Variants in CAMSAP2 observed in about 807,000 individuals in gnomAD.
CAMSAP2 encodes calmodulin regulated spectrin associated protein family member 2.
In CAMSAP2, 26 loss-of-function variants were observed where a neutral mutation model predicts 146.1. The observed-to-expected ratio is 0.18, with a 90% CI of 0.13 to 0.25. CAMSAP2 has a LOEUF of 0.25. CAMSAP2 is among the 10% of genes least tolerant of loss of function. The probability of loss-of-function intolerance (pLI) is 1.00; values close to 1 mark genes in which losing one functional copy is unlikely to be tolerated. For synonymous variants in CAMSAP2, 499 were observed against 596.6 expected (o/e 0.84, Z 2.38); for missense variants, 1,381 against 1,759.3 (o/e 0.78, Z 3.85).
chr1:200,750,719 G>A (rs1480957628), intron 1 of CAMSAP2, among the ~76,000 whole-genome samples: 1 of 151,572 alleles, frequency 6.6e-6, no homozygotes, highest in African/African-American at 2.4e-5. Context: ...CTGCCTCCCG[G>A]GTTCAAGTGA....
rs75790171 is a variant in CAMSAP2 at position 200,780,080 on chromosome 1, T to C, written c.399+18982T>C. On this transcript the variant is annotated intron_variant, in intron 2 of 16. Transcript: ENST00000358823. ...CCTTGTCACTAAAAGAATATAAGAA[T>C]ATTATTCAAGAAAGCCTGAAAACGC... 6.6e-5 allele frequency among the ~76,000 whole-genome samples: 10 copies of C among 152,244 alleles called. No individual in the cohort carries two copies. In the East Asian group the frequency reaches 1.9e-3, roughly 29 times the overall value.
chr1:200,790,847 C>T (rs1338328750), intron 2 of CAMSAP2, among the ~76,000 whole-genome samples: 1 of 151,854 alleles, frequency 6.6e-6, no homozygotes, highest in Non-Finnish European at 1.5e-5. Flanking sequence ...CTTTATTTTA[C>T]CTCCTTTTTT....
Position 200,856,170 on chromosome 1 carries a change from C to G in CAMSAP2, c.4012+45C>G, listed in dbSNP as rs116047114. 2.0e-3 allele frequency: 2,805 copies of G among 1,391,940 alleles called. 6 individuals carry two copies. Among genetic ancestry groups the G allele is most frequent in the Non-Finnish European group, 2.6e-3 (2,556 of 987,714 alleles). The allele number at this position is 1,391,940 out of a possible 1,614,324, so 86.2% of individuals were successfully genotyped here. A position where few individuals can be genotyped will look rare whatever the true frequency, so the allele number is the denominator to read the frequency against. The stretch of plus-strand genomic sequence containing the variant: ...TAGAGAAACATTTGAATTTAACACA[C>G]TCATAAATGGAGGGTGTACTAAAGA... On this transcript the variant is annotated intron_variant, in intron 15 of 16. Transcript: ENST00000358823.
chr1:200,784,727 A>G (rs1271645318), intron 2 of CAMSAP2, among the ~76,000 whole-genome samples: 1 of 152,152 alleles, frequency 6.6e-6, no homozygotes, highest in Non-Finnish European at 1.5e-5. Context: ...TCCACTATGT[A>G]TGTGGTCTGC....
chr1:200,740,102 G>GA lies in CAMSAP2; in HGVS notation c.139+138dup, dbSNP rs553167813. 2.4e-5 allele frequency: 23 copies of GA among 945,892 alleles called. No homozygotes were observed. The East Asian group carries it at 5.9e-4, about 24-fold the overall frequency. 58.6% of individuals were successfully genotyped at this position (945,892 alleles called of 1,614,324 possible). A position where few individuals can be genotyped will look rare whatever the true frequency, so the allele number is the denominator to read the frequency against. ...GTTAAGGGAGATGATGGGAGGCTAGGAAGAGAAAGAAAGGAGAAATAAGGA... is the reference window on the plus strand; with the variant it reads ...GTTAAGGGAGATGATGGGAGGCTAGGAAAGAGAAAGAAAGGAGAAATAAGGA... On this transcript the variant is annotated intron_variant, in intron 1 of 16. Transcript: ENST00000358823.
intron 1 of CAMSAP2, among the ~76,000 whole-genome samples, chr1:200,751,256 AATATAT>A (rs941190365): frequency 6.6e-6 from 1 of 151,176 alleles, no homozygotes; most frequent in African/African-American, 2.4e-5. Context: ...GATATAAATA[AATATAT>A]ATAATATTTC....
At chr1:200,743,372 C>T (rs920838667) in intron 1 of CAMSAP2, among the ~76,000 whole-genome samples, 22 of 152,264 alleles carry the variant, frequency 1.4e-4, no homozygotes, top group African/African-American at 4.8e-4. Context: ...TACCTTGTTA[C>T]ATTTCTTTGT....
In CAMSAP2 at chr1:200,739,264, G is replaced by C. The variant is rs1340509830; in HGVS notation, c.-564G>C. The stretch of plus-strand genomic sequence containing the variant: ...GGGCCGGGCTGCGCTGGGTGGGCCA[G>C]CTCGCCCCGCGCTTCCCCCTCGTCC... On this transcript the variant is annotated 5_prime_UTR_variant, in exon 1 of 17. Coordinates refer to ENST00000358823, the MANE Select transcript of CAMSAP2 (RefSeq NM_203459.4). The surrounding 1 kb of genome is among the most constrained non-coding windows in gnomAD (Gnocchi z 4.8). Among the ~76,000 whole-genome samples, 1 of 152,132 alleles carries C rather than the reference G, an allele frequency of 6.6e-6. No homozygotes were observed. Among genetic ancestry groups the C allele is most frequent in the Non-Finnish European group, 1.5e-5 (1 of 67,996 alleles).
chr1:200,738,940 A>AGCGGCGGCGGCGGCG lies in CAMSAP2; in HGVS notation c.-885_-871dup, dbSNP rs537301220. Among the ~76,000 whole-genome samples the AGCGGCGGCGGCGGCG allele has an allele frequency of 1.8e-3, 269 of 149,122 alleles. 4 individuals are homozygous for AGCGGCGGCGGCGGCG. The highest frequency in any genetic ancestry group is 0.013 in the Admixed American group (191 of 15,110). On this transcript the variant is annotated 5_prime_UTR_variant, in exon 1 of 17. Coordinates refer to ENST00000358823, the MANE Select transcript of CAMSAP2 (RefSeq NM_203459.4). ...TCCAGTGCCGCAGCCGGAAAACCGC[A>AGCGGCGGCGGCGGCG]GCGGCGGCGGCGGCGGCTGAGGGGG... is the stretch of plus-strand genomic sequence containing the variant.
chr1:200,739,759 C>T lies in CAMSAP2; in HGVS notation c.-69C>T, dbSNP rs1345654293. On this transcript the variant is annotated 5_prime_UTR_variant, in exon 1 of 17. Coordinates refer to ENST00000358823, the MANE Select transcript of CAMSAP2 (RefSeq NM_203459.4). The surrounding 1 kb of genome is among the most constrained non-coding windows in gnomAD (Gnocchi z 4.8). Reference sequence around the variant, plus strand: ...GAGCTTGCTTCTCCCTCCCTCCCGACCCCCGTGGTGGCGAGGCCACGCCAT... The same window carrying T: ...GAGCTTGCTTCTCCCTCCCTCCCGATCCCCGTGGTGGCGAGGCCACGCCAT... 41 of 1,509,930 alleles carry T rather than the reference C, an allele frequency of 2.7e-5. No homozygotes were observed. Among genetic ancestry groups the T allele is most frequent in the Non-Finnish European group, 3.3e-5 (37 of 1,111,124 alleles). The allele number at this position is 1,509,930 out of a possible 1,614,324, so 93.5% of individuals were successfully genotyped here.
intron 1 of CAMSAP2, among the ~76,000 whole-genome samples, chr1:200,747,664 G>T (rs1664373394): frequency 6.6e-6 from 1 of 152,172 alleles, no homozygotes; most frequent in South Asian, 2.1e-4. Flanking sequence ...TTTTAGCTGT[G>T]CCCTTGTTGA....
intron 3 of CAMSAP2, among the ~76,000 whole-genome samples, chr1:200,809,825 G>C (rs4915459): frequency 6.6e-6 from 1 of 152,018 alleles, no homozygotes; most frequent in Non-Finnish European, 1.5e-5. Flanking sequence ...GAGGCTAAGA[G>C]ATCCCAGGTG....
chr1:200,777,563 TC>T (rs1363946400), intron 2 of CAMSAP2, among the ~76,000 whole-genome samples: 2 of 152,206 alleles, frequency 1.3e-5, no homozygotes, highest in African/African-American at 2.4e-5. Context: ...TTTGTCTTTT[TC>T]TAACTTCTAG....
At chr1:200,797,848 A>C (rs1337290762) in intron 2 of CAMSAP2, among the ~76,000 whole-genome samples, 1 of 141,486 alleles carries the variant, frequency 7.1e-6, no homozygotes, top group Non-Finnish European at 1.5e-5. Flanking sequence ...TGATTTTTGT[A>C]TAAGGTGTAA....
chr1:200,847,850 TAGAGATGTAA>T (rs1302873400), intron 10 of CAMSAP2, 141 bp downstream of exon 10: 1 of 872,530 alleles, frequency 1.1e-6, no homozygotes, highest in Non-Finnish European at 1.8e-6. Flanking sequence ...AGGCAGATGA[TAGAGATGTAA>T]AAGAGGCTAA....
Position 200,848,986 on chromosome 1 carries a change from A to T in CAMSAP2, c.2217A>T (p.Gly739=). ...CAGAAGAAACAGGGCTTCCACAGGGACGGGACACTACCCAGCTGTTGGCCT... is the reference window on the plus strand; with the variant it reads ...CAGAAGAAACAGGGCTTCCACAGGGTCGGGACACTACCCAGCTGTTGGCCT... ...QIPEETGLPQ[G]RDTTQLLASE... The change falls in exon 11 of 17, where the codon GGA becomes GGT. Residue 739 remains glycine, a synonymous_variant. Transcript: ENST00000358823. 1 of 1,614,130 alleles carries T rather than the reference A, an allele frequency of 6.2e-7. No individual in the cohort carries two copies. The highest frequency in any genetic ancestry group is 2.2e-5 in the East Asian group (1 of 44,882).
intron 2 of CAMSAP2, among the ~76,000 whole-genome samples, chr1:200,778,348 T>A (rs1665338931): frequency 6.6e-6 from 1 of 152,222 alleles, no homozygotes; most frequent in Non-Finnish European, 1.5e-5. Context: ...GAGTAAGCAG[T>A]AATTATTGAA....
At chr1:200,788,940 C>T (rs1203631813) in intron 2 of CAMSAP2, among the ~76,000 whole-genome samples, 1 of 152,026 alleles carries the variant, frequency 6.6e-6, no homozygotes, top group Non-Finnish European at 1.5e-5. Context: ...TCATGAGCTA[C>T]TGTGCCCGGC....
rs556224402 is a variant in CAMSAP2 at position 200,828,874 on chromosome 1, T to C, written c.646-3326T>C. Among the ~76,000 whole-genome samples, 257 of 151,464 alleles carry C rather than the reference T, an allele frequency of 1.7e-3. 4 individuals carry two copies. Among genetic ancestry groups the C allele is most frequent in the Non-Finnish European group, 1.0e-3 (70 of 67,834 alleles). On this transcript the variant is annotated intron_variant, in intron 4 of 16. Coordinates refer to ENST00000358823, the MANE Select transcript of CAMSAP2 (RefSeq NM_203459.4). ...AAGTAGGTTAAAAAAAAAAAACTTA[T>C]GGGCCAGGTGCGGTGGCTCACACCT...
Sources: gnomAD v4.1 joint callset for allele counts (sites outside exome capture counted in the v4.1 genomes callset) on GRCh38, gnomAD v4.1.1 for gene constraint, Gnocchi (gnomAD v3.1) non-coding constraint, MANE v1.5 for transcripts, NCBI Gene and HGNC (gene_info 2026-07-23, HGNC 2026-07-21) for gene names.